Variants in GRK1 observed in about 807,000 individuals in gnomAD.
GRK1 encodes the protein G protein-coupled receptor kinase 1, also known as rhodopsin kinase GRK1.
GRK1 carries 28 observed loss-of-function variants against 41.7 expected under a neutral mutation model. The observed-to-expected ratio is 0.67, with a 90% confidence interval of 0.50 to 0.92. The LOEUF (loss-of-function observed/expected upper bound fraction) is 0.92. Among genes scored for constraint, GRK1 ranks in the 40% least tolerant of loss-of-function variants. The probability of loss-of-function intolerance (pLI) is 0.00; values close to 1 mark genes in which losing one functional copy is unlikely to be tolerated. For missense variants in GRK1, 703 were observed against 671.2 expected (o/e 1.05, Z -0.52); for synonymous variants, 327 against 286.7 (o/e 1.14, Z -1.42).
At chr13:113,649,443 G>A in the GRK1 span, 13 of 1,578,880 alleles carry the variant, frequency 8.2e-6, no homozygotes, top group Admixed American at 1.8e-5. The surrounding 1 kb of genome is among the most constrained non-coding windows in gnomAD (Gnocchi z 4.7). Context: ...TGAAGGTCAC[G>A]TGCTCCGCCA....
At chr13:113,660,644 C>T in the GRK1 span, among the ~76,000 whole-genome samples, 717 of 152,278 alleles carry the variant, frequency 4.7e-3, 6 homozygotes, top group African/African-American at 0.016. Flanking sequence ...CTGAGAGGAT[C>T]GTTTTAGACC....
At chr13:113,652,660 T>C in the GRK1 span, 3 of 669,526 alleles carry the variant, frequency 4.5e-6, no homozygotes, top group Admixed American at 2.1e-5. Context: ...GGGCCGGCTA[T>C]GTGCTGGTGT....
chr13:113,729,816 A>G (rs36141015), intron 4 of GRK1, among the ~76,000 whole-genome samples: 36,014 of 135,468 alleles, frequency 0.27, 6,611 homozygotes, highest in African/African-American at 0.54. Context: ...GACAGTTGCC[A>G]CGGCTGAGCC....
At chr13:113,656,061 C>T in the GRK1 span, among the ~76,000 whole-genome samples, 6 of 152,240 alleles carry the variant, frequency 3.9e-5, no homozygotes, top group African/African-American at 1.4e-4. Context: ...CTGGTGACGG[C>T]GTTCTTGTGT....
At chr13:113,650,388 TGGAA>T in the GRK1 span, 31 of 1,609,686 alleles carry the variant, frequency 1.9e-5, no homozygotes, top group Non-Finnish European at 2.6e-5. This position sits in a 1 kb window ranked among gnomAD's most constrained non-coding sequence, Gnocchi z 5.0. Flanking sequence ...GAGGGAAGCG[TGGAA>T]GGAAGGAACC....
At chr13:113,728,029 CGAT>C (rs1411081568) in intron 4 of GRK1, among the ~76,000 whole-genome samples, 3 of 67,318 alleles carry the variant, frequency 4.5e-5, no homozygotes, top group Admixed American at 1.5e-4. Context: ...GTACCCATGG[CGAT>C]GAGGAGTACC....
chr13:113,659,566 TTTC>T, the GRK1 span, among the ~76,000 whole-genome samples: 1 of 152,156 alleles, frequency 6.6e-6, no homozygotes, highest in Admixed American at 6.5e-5. Context: ...ATTCCTATCA[TTTC>T]TTTTCTTTTT....
At chr13:113,655,376 A>T in the GRK1 span, among the ~76,000 whole-genome samples, 3 of 152,358 alleles carry the variant, frequency 2.0e-5, no homozygotes, top group East Asian at 5.8e-4. Flanking sequence ...CCCATAGTGC[A>T]GCCTGGAAGT....
Position 113,731,486 on chromosome 13 carries a change from G to A in GRK1, c.1194+143G>A. 1 of 1,229,270 alleles carries A rather than the reference G, an allele frequency of 8.1e-7. No individual in the cohort carries two copies. The highest frequency in any genetic ancestry group is 1.1e-6 in the Non-Finnish European group (1 of 899,562). 76.1% of individuals were successfully genotyped at this position (1,229,270 alleles called of 1,614,324 possible). On this transcript the variant is annotated intron_variant, in intron 5 of 6. Coordinates refer to ENST00000335678, the MANE Select transcript of GRK1 (RefSeq NM_002929.3). This position sits in a 1 kb window ranked among gnomAD's most constrained non-coding sequence, Gnocchi z 5.6. ...GGGTGGGGAGGGCACAGATTCACGTGCTGGGGTCTTGCTCCTGGGCCATGC... is the reference window on the plus strand; with the variant it reads ...GGGTGGGGAGGGCACAGATTCACGTACTGGGGTCTTGCTCCTGGGCCATGC...
At chr13:113,652,865 G>C in the GRK1 span, 2 of 1,613,916 alleles carry the variant, frequency 1.2e-6, no homozygotes, top group East Asian at 2.2e-5. Flanking sequence ...GAGACCCTCA[G>C]TACTCACCCT....
At position 113,671,921 on chromosome 13, in the gene GRK1, G is replaced by T. The variant is rs913905160; in HGVS notation, c.985+265G>T. Among the ~76,000 whole-genome samples, 7 of 152,088 alleles carry T rather than the reference G, an allele frequency of 4.6e-5. No individual in the cohort carries two copies. The highest frequency in any genetic ancestry group is 1.0e-4 in the Non-Finnish European group (7 of 67,994). ...CACCTTCCTTCTGCCTGAATGAGGC[G>T]TCACACAGGGATTCTTCTCAGAAAT... On this transcript the variant is annotated intron_variant, in intron 3 of 6. Coordinates refer to ENST00000335678, the MANE Select transcript of GRK1 (RefSeq NM_002929.3). The surrounding 1 kb of genome is among the most constrained non-coding windows in gnomAD (Gnocchi z 4.1).
chr13:113,654,971 C>T, the GRK1 span: 1 of 1,612,642 alleles, frequency 6.2e-7, no homozygotes, highest in Non-Finnish European at 8.5e-7. Context: ...ACAAAATTTA[C>T]CACGTCAGCC....
chr13:113,729,077 C>T (rs1009569886), intron 4 of GRK1, among the ~76,000 whole-genome samples: 2 of 152,078 alleles, frequency 1.3e-5, no homozygotes, highest in Admixed American at 6.5e-5. Flanking sequence ...TGAAGGGAGG[C>T]GCCTTTTAGG....
At chr13:113,654,110 T>C in the GRK1 span, among the ~76,000 whole-genome samples, 1 of 152,218 alleles carries the variant, frequency 6.6e-6, no homozygotes, top group Non-Finnish European at 1.5e-5. Context: ...TCCATAAATG[T>C]GGTTTCATTG....
At chr13:113,651,837 G>T in the GRK1 span, 1 of 1,320,920 alleles carries the variant, frequency 7.6e-7, no homozygotes, top group Non-Finnish European at 1.0e-6. Flanking sequence ...TGGGCTTTCT[G>T]ACCAGGACTG....
chr13:113,667,272 G>A lies in GRK1; in HGVS notation c.-115G>A. 3.8e-6 allele frequency: 4 copies of A among 1,042,706 alleles called. No individual in the cohort carries two copies. Among genetic ancestry groups the A allele is most frequent in the Non-Finnish European group, 5.4e-6 (4 of 736,522 alleles). 64.6% of individuals were successfully genotyped at this position (1,042,706 alleles called of 1,614,324 possible). A position where few individuals can be genotyped will look rare whatever the true frequency, so the allele number is the denominator to read the frequency against. ...CAGGGCGTCTCTCTCGTCCAGCAAG[G>A]GCAGGGACGGGCCACAGGCCAAGGG... On this transcript the variant is annotated 5_prime_UTR_variant, in exon 1 of 7. Transcript: ENST00000335678. The surrounding 1 kb of genome is among the most constrained non-coding windows in gnomAD (Gnocchi z 7.5).
rs1431645878 is a variant in GRK1, at chr13:113,668,029, C to A, written c.643C>A (p.Leu215Met). The change falls in exon 1 of 7, where the codon CTG (leucine) becomes ATG (methionine). Residue 215 changes from leucine to methionine, a missense_variant. Leu to Met is a conservative substitution (Grantham distance 15). Coordinates refer to ENST00000335678, the MANE Select transcript of GRK1 (RefSeq NM_002929.3). ...CTGCCAGATGAAGGCGACCGGCAAGCTGTATGCCTGCAAGAAGCTGAACAA... is the reference window on the plus strand; with the variant it reads ...CTGCCAGATGAAGGCGACCGGCAAGATGTATGCCTGCAAGAAGCTGAACAA... ...SACQMKATGKLYACKKLNKKR... is the reference protein window; with the variant it reads ...SACQMKATGKMYACKKLNKKR... 1.9e-6 allele frequency: 3 copies of A among 1,611,474 alleles called. No individual in the cohort carries two copies. The highest frequency in any genetic ancestry group is 2.7e-5 in the African/African-American group (2 of 74,900).
chr13:113,663,171 T>C (rs1341344304), upstream of GRK1, among the ~76,000 whole-genome samples: 2 of 151,978 alleles, frequency 1.3e-5, no homozygotes, highest in Non-Finnish European at 2.9e-5. Flanking sequence ...GAAGAGAAAA[T>C]CCAGAGGTGG....
At chr13:113,670,232 C>T (rs1359415882) in intron 2 of GRK1, among the ~76,000 whole-genome samples, 4 of 152,054 alleles carry the variant, frequency 2.6e-5, no homozygotes, top group African/African-American at 7.2e-5. Flanking sequence ...AGCTGGGGGC[C>T]GTGATCTTGC....
Sources: gnomAD v4.1 joint callset for allele counts (sites outside exome capture counted in the v4.1 genomes callset) on GRCh38, gnomAD v4.1.1 for gene constraint, Gnocchi (gnomAD v3.1) non-coding constraint, MANE v1.5 for transcripts, NCBI Gene and HGNC (gene_info 2026-07-23, HGNC 2026-07-21) for gene names.